The following TSGA10 variants were observed in gnomAD, a reference collection of about 807,000 sequenced individuals.
TSGA10 encodes the protein testis specific 10.
Under a neutral mutation model 96.6 loss-of-function variants are expected in TSGA10, and 43 were observed. The ratio of observed to expected loss-of-function variants is 0.44; its 90% confidence interval spans 0.35 to 0.57. The LOEUF is 0.57. Ranked by LOEUF, TSGA10 falls within the 20% of genes least tolerant of loss-of-function variation. The probability of loss-of-function intolerance (pLI) is 0.01; values close to 1 mark genes in which losing one functional copy is unlikely to be tolerated. For synonymous variants in TSGA10, 229 were observed against 269.9 expected (o/e 0.85, Z 1.48); for missense variants, 703 against 834.4 (o/e 0.84, Z 1.94).
chr2:99,105,623 A>G lies in TSGA10; in HGVS notation c.285T>C (p.His95=). 2 of 1,609,422 alleles carry G rather than the reference A, an allele frequency of 1.2e-6. No individual in the cohort carries two copies. Among genetic ancestry groups the G allele is most frequent in the Non-Finnish European group, 1.7e-6 (2 of 1,175,994 alleles). The change falls in exon 8 of 21, where the codon CAT becomes CAC. Residue 95 remains histidine (H), a synonymous_variant. Transcript: ENST00000393483. ...CAGTCTCCACTCGCCGGAGAATAGC[A>G]TGTGCCGTTGTTGATTTAGGACTCT... is the stretch of plus-strand genomic sequence containing the variant. The part of the protein sequence containing the change: ...SCKSPKSTTA[H]AILRRVETER...
chr2:99,085,609 TAAAAAAAAAAA>T (rs200309936), intron 10 of TSGA10, among the ~76,000 whole-genome samples: 5 of 52,470 alleles, frequency 9.5e-5, no homozygotes, highest in South Asian at 1.3e-3. Flanking sequence ...ATCCTGTCTT[TAAAAAAAAAAA>T]AAAAAAAAAA....
At chr2:99,149,467 G>T (rs1431251932) in intron 1 of TSGA10, among the ~76,000 whole-genome samples, 2 of 148,772 alleles carry the variant, frequency 1.3e-5, no homozygotes, top group African/African-American at 5.0e-5. Flanking sequence ...TTTTAAGACG[G>T]AGTCTCGCTC....
chr2:99,139,679 CTAAA>C (rs1164877865), intron 1 of TSGA10, among the ~76,000 whole-genome samples: 3 of 151,946 alleles, frequency 2.0e-5, no homozygotes, highest in African/African-American at 7.3e-5. Flanking sequence ...AATCAGCAAA[CTAAA>C]TACTGCGAGC....
intron 1 of TSGA10, among the ~76,000 whole-genome samples, chr2:99,142,766 T>G (rs2093583594): frequency 6.6e-6 from 1 of 152,200 alleles, no homozygotes. Flanking sequence ...CTAAGATTAT[T>G]TTGAATACAT....
In TSGA10 at chr2:99,117,664, T is replaced by A; in HGVS notation, c.-260A>T. 3 of 985,830 alleles carry A rather than the reference T, an allele frequency of 3.0e-6. No homozygotes were observed. The highest frequency in any genetic ancestry group is 3.6e-6 in the Non-Finnish European group (3 of 829,882). 61.1% of individuals were successfully genotyped at this position (985,830 alleles called of 1,614,324 possible). A position where few individuals can be genotyped will look rare whatever the true frequency, so the allele number is the denominator to read the frequency against. ...TACAAAGATGCTCATTGTGGCTGGT[T>A]AAATCATCTACTTGACTGCTTACCA... On this transcript the variant is annotated 5_prime_UTR_variant, in exon 4 of 21. It removes the in-frame stop codon of an upstream open reading frame in the 5' UTR. Transcript: ENST00000393483.
chr2:99,082,658 A>G (rs1209166102), intron 10 of TSGA10, among the ~76,000 whole-genome samples: 1 of 152,196 alleles, frequency 6.6e-6, no homozygotes, highest in East Asian at 1.9e-4. Flanking sequence ...AACTAACCCC[A>G]GACAAAGGCC....
intron 1 of TSGA10, among the ~76,000 whole-genome samples, chr2:99,145,209 GTCC>G (rs1239970473): frequency 2.0e-5 from 3 of 152,068 alleles, no homozygotes; most frequent in Non-Finnish European, 1.5e-5. Flanking sequence ...GGCCAGTCAA[GTCC>G]TCCTCACATT....
At position 99,110,860 on chromosome 2, in the gene TSGA10, CT is replaced by C; in HGVS notation, c.-85del. ...GAAAAATGTACTTACAGATTTAAGC[CT>C]TTTTATTGTATCTTCCAATACTATA... On this transcript the variant is annotated 5_prime_UTR_variant, in exon 5 of 21. Transcript: ENST00000393483. 2.7e-6 allele frequency: 2 copies of C among 737,808 alleles called. No individual in the cohort carries two copies. Among genetic ancestry groups the C allele is most frequent in the Non-Finnish European group, 3.3e-6 (2 of 604,100 alleles). The allele number at this position is 737,808 out of a possible 1,614,324, so 45.7% of individuals were successfully genotyped here.
At chr2:99,096,023 T>G (rs186027821) in intron 10 of TSGA10, among the ~76,000 whole-genome samples, 2 of 152,334 alleles carry the variant, frequency 1.3e-5, no homozygotes, top group African/African-American at 2.4e-5. Context: ...CTGTACAAGC[T>G]GTCCAGGCAA....
At chr2:99,045,962 A>T (rs912345421) in intron 16 of TSGA10, among the ~76,000 whole-genome samples, 3 of 152,224 alleles carry the variant, frequency 2.0e-5, no homozygotes, top group African/African-American at 7.2e-5. Flanking sequence ...CACAAAGATC[A>T]AAAGAGACAA....
intron 10 of TSGA10, among the ~76,000 whole-genome samples, chr2:99,096,930 G>C (rs1381413032): frequency 6.6e-6 from 1 of 152,152 alleles, no homozygotes; most frequent in Admixed American, 6.5e-5. Flanking sequence ...TGTGTTGGTA[G>C]AGAACTGATA....
In TSGA10 at chr2:98,998,035, C is replaced by T; in HGVS notation, c.*162G>A. On this transcript the variant is annotated 3_prime_UTR_variant, in exon 21 of 21. Coordinates refer to ENST00000393483, the MANE Select transcript of TSGA10 (RefSeq NM_025244.4). ...TGTTTTTATAAGTCATCTCAGATCA[C>T]TGCAACATGGCACATTAGAACAGAG... is the stretch of plus-strand genomic sequence containing the variant. 1 of 663,684 alleles carries T rather than the reference C, an allele frequency of 1.5e-6. No individual in the cohort carries two copies. Among genetic ancestry groups the T allele is most frequent in the Non-Finnish European group, 2.5e-6 (1 of 395,008 alleles). The allele number at this position is 663,684 out of a possible 1,614,324, so 41.1% of individuals were successfully genotyped here. A position where few individuals can be genotyped will look rare whatever the true frequency, so the allele number is the denominator to read the frequency against.
In TSGA10 at chr2:99,118,569, AAATC is replaced by A; in HGVS notation, c.-378_-375del. 2 of 984,078 alleles carry A rather than the reference AAATC, an allele frequency of 2.0e-6. No homozygotes were observed. Among genetic ancestry groups the A allele is most frequent in the Non-Finnish European group, 2.4e-6 (2 of 828,924 alleles). 61.0% of individuals were successfully genotyped at this position (984,078 alleles called of 1,614,324 possible). On this transcript the variant is annotated 5_prime_UTR_variant, in exon 3 of 21. Transcript: ENST00000393483. ...AACTTACTTGACTAAGCTAAATATC[AAATC>A]AATCAAGTATTTGCTGCCTAATGTG...
intron 1 of TSGA10, chr2:99,141,139 T>C (rs924458553): frequency 1.7e-4 from 217 of 1,272,972 alleles, no homozygotes; most frequent in Non-Finnish European, 2.1e-4. Flanking sequence ...CCAGAGCTCA[T>C]CCCCGCGACT....
intron 1 of TSGA10, among the ~76,000 whole-genome samples, chr2:99,136,291 A>T (rs944618345): frequency 1.3e-5 from 2 of 152,190 alleles, no homozygotes; most frequent in African/African-American, 4.8e-5. Context: ...TTCACTTTAT[A>T]TGTAAACTTA....
At chr2:99,032,578 AAGAAC>A (rs1316965355) in intron 17 of TSGA10, among the ~76,000 whole-genome samples, 1 of 152,236 alleles carries the variant, frequency 6.6e-6, no homozygotes, top group Non-Finnish European at 1.5e-5. Context: ...TGTGAACACA[AAGAAC>A]AGAAGCAATT....
Position 99,137,258 on chromosome 2 carries a change from C to G in TSGA10, c.-620-10082G>C, listed in dbSNP as rs865842920. 1.2e-4 allele frequency among the ~76,000 whole-genome samples: 19 copies of G among 152,182 alleles called. 1 individual carries two copies. Among genetic ancestry groups the G allele is most frequent in the African/African-American group, 4.3e-4 (18 of 41,450 alleles). On this transcript the variant is annotated intron_variant, in intron 1 of 20. Transcript: ENST00000393483. Reference sequence around the variant, plus strand: ...GATCCACCCGCCTCAGCCTCCCAAACTGTTGGGATTACAGGCGTGAGCCAC... The same window carrying G: ...GATCCACCCGCCTCAGCCTCCCAAAGTGTTGGGATTACAGGCGTGAGCCAC...
Position 99,028,348 on chromosome 2 carries a change from T to G in TSGA10, c.1614+6882A>C, listed in dbSNP as rs144206122. Among the ~76,000 whole-genome samples, 18 of 152,308 alleles carry G rather than the reference T, an allele frequency of 1.2e-4. No homozygotes were observed. The East Asian group carries it at 3.5e-3, about 29-fold the overall frequency. ...TTGAGGTACGATTGACAAATAAAAA[T>G]TATATATACTTAAGGAATATAACAT... On this transcript the variant is annotated intron_variant, in intron 17 of 20. Transcript: ENST00000393483.
At chr2:99,106,506 C>T (rs1170412430) in intron 7 of TSGA10, among the ~76,000 whole-genome samples, 3 of 151,940 alleles carry the variant, frequency 2.0e-5, no homozygotes, top group African/African-American at 7.3e-5. Flanking sequence ...GTCACTTGAT[C>T]CTGCTGACCA....
Sources: gnomAD v4.1 joint callset for allele counts (sites outside exome capture counted in the v4.1 genomes callset) on GRCh38, gnomAD v4.1.1 for gene constraint, MANE v1.5 for transcripts, NCBI Gene and HGNC (gene_info 2026-07-23, HGNC 2026-07-21) for gene names.